The following INPP5D variants were observed in gnomAD, a reference collection of about 807,000 sequenced individuals.
INPP5D encodes phosphatidylinositol 3,4,5-trisphosphate 5-phosphatase 1.
INPP5D carries 33 observed loss-of-function variants against 122.9 expected under a neutral mutation model. The observed-to-expected ratio is 0.27, with a 90% CI of 0.20 to 0.36. The LOEUF (loss-of-function observed/expected upper bound fraction) is 0.36, where lower values mean the gene tolerates loss of function less well. Among genes scored for constraint, INPP5D ranks in the 10% least tolerant of loss-of-function variants. The probability of loss-of-function intolerance (pLI) is 1.00; values close to 1 mark genes in which losing one functional copy is unlikely to be tolerated. For synonymous variants in INPP5D, 584 were observed against 576.2 expected (o/e 1.01, Z -0.19); for missense variants, 1,053 against 1,412.7 (o/e 0.75, Z 4.08).
chr2:233,167,337 C>T (rs377730699), intron 13 of INPP5D, among the ~76,000 whole-genome samples: 6 of 152,050 alleles, frequency 3.9e-5, no homozygotes, highest in African/African-American at 1.5e-4. Context: ...TGCCACTGCA[C>T]TCCAGCCTGG....
chr2:233,108,908 G>A (rs542662691), intron 2 of INPP5D, among the ~76,000 whole-genome samples: 3 of 152,320 alleles, frequency 2.0e-5, no homozygotes, highest in Admixed American at 1.3e-4. Flanking sequence ...TGCAGCTTCT[G>A]CATGGCAGAG....
At chr2:233,146,674 G>C (rs1693769652) in intron 8 of INPP5D, among the ~76,000 whole-genome samples, 1 of 152,210 alleles carries the variant, frequency 6.6e-6, no homozygotes, top group South Asian at 2.1e-4. Flanking sequence ...AGGGAGGAGT[G>C]TCTCATTGGG....
At chr2:233,075,612 TGTGTGTA>T (rs1452326294) in intron 1 of INPP5D, among the ~76,000 whole-genome samples, 1 of 152,058 alleles carries the variant, frequency 6.6e-6, no homozygotes, top group Non-Finnish European at 1.5e-5. Flanking sequence ...TGTGTGTGTG[TGTGTGTA>T]TATAGGACCA....
chr2:233,185,778 A>G, intron 20 of INPP5D, 65 bp from the exon 21 acceptor site: 2 of 1,442,120 alleles, frequency 1.4e-6, no homozygotes, highest in Non-Finnish European at 1.8e-6. Context: ...GGGTGACCCC[A>G]GGGAGTCTTT....
At chr2:233,155,154 G>GGGGAAA (rs1694015304) in intron 9 of INPP5D, among the ~76,000 whole-genome samples, 1 of 152,140 alleles carries the variant, frequency 6.6e-6, no homozygotes, top group Middle Eastern at 3.4e-3. Flanking sequence ...GGGGGAAGAA[G>GGGGAAA]GGGAAAGGGA....
intron 6 of INPP5D, among the ~76,000 whole-genome samples, chr2:233,142,192 A>G (rs4130642): frequency 0.64 from 97,721 of 152,078 alleles, 32,720 homozygotes; most frequent in East Asian, 0.98. Flanking sequence ...GCAGCCACCC[A>G]GTGGAGGGTG....
intron 5 of INPP5D, among the ~76,000 whole-genome samples, chr2:233,131,397 A>T (rs1346538547): frequency 6.6e-6 from 1 of 152,180 alleles, no homozygotes; most frequent in Non-Finnish European, 1.5e-5. Flanking sequence ...AAACAATCCC[A>T]TCACAAATGA....
At chr2:233,080,776 C>T (rs1691664052) in intron 2 of INPP5D, among the ~76,000 whole-genome samples, 1 of 152,118 alleles carries the variant, frequency 6.6e-6, no homozygotes, top group Non-Finnish European at 1.5e-5. Context: ...AAAAATCCTC[C>T]AGAAGTTGTC....
In INPP5D at chr2:233,183,235, C is replaced by T. The variant is rs886981903; in HGVS notation, c.2161+736C>T. On this transcript the variant is annotated intron_variant, in intron 19 of 26. Transcript: ENST00000445964. This position sits in a 1 kb window ranked among gnomAD's most constrained non-coding sequence, Gnocchi z 4.6. ...GTTGTCTCTGCCCAGTCTCTGCTTC[C>T]GCGGTCAGCCCAGTGGTCACTGGGC... is the stretch of plus-strand genomic sequence containing the variant. 7.2e-5 allele frequency among the ~76,000 whole-genome samples: 11 copies of T among 152,194 alleles called. No homozygotes were observed. Among genetic ancestry groups the T allele is most frequent in the African/African-American group, 1.4e-4 (6 of 41,456 alleles).
intron 1 of INPP5D, among the ~76,000 whole-genome samples, chr2:233,075,173 C>T (rs1691486891): frequency 6.6e-6 from 1 of 152,110 alleles, no homozygotes; most frequent in Non-Finnish European, 1.5e-5. Context: ...GCTGTAAGCC[C>T]CCCTTCATTT....
chr2:233,164,508 T>A lies in INPP5D; in HGVS notation c.1555+84T>A, dbSNP rs1000377640. On this transcript the variant is annotated intron_variant, in intron 13 of 26. Coordinates refer to ENST00000445964, the MANE Select transcript of INPP5D (RefSeq NM_001017915.3). This position sits in a 1 kb window ranked among gnomAD's most constrained non-coding sequence, Gnocchi z 4.3. ...ACATCATCCTGATCCCACCAGTAGTTCCCCGGGTTAAAAACAGAGAGCCTC... is the reference window on the plus strand; with the variant it reads ...ACATCATCCTGATCCCACCAGTAGTACCCCGGGTTAAAAACAGAGAGCCTC... 1.6e-5 allele frequency: 22 copies of A among 1,413,658 alleles called. No individual in the cohort carries two copies. Among genetic ancestry groups the A allele is most frequent in the Admixed American group, 2.4e-5 (1 of 41,256 alleles). 87.6% of individuals were successfully genotyped at this position (1,413,658 alleles called of 1,614,324 possible).
At chr2:233,077,415 C>T (rs1439638675) in intron 1 of INPP5D, among the ~76,000 whole-genome samples, 1 of 152,030 alleles carries the variant, frequency 6.6e-6, no homozygotes, top group East Asian at 1.9e-4. Flanking sequence ...AATCCCAGCA[C>T]TTTGGGAGGC....
chr2:233,079,934 A>G (rs542681844), intron 2 of INPP5D, among the ~76,000 whole-genome samples: 2 of 152,182 alleles, frequency 1.3e-5, no homozygotes, highest in East Asian at 3.9e-4. Flanking sequence ...ATTTTTTAAT[A>G]TTTTTTATTT....
intron 1 of INPP5D, among the ~76,000 whole-genome samples, chr2:233,077,378 G>A (rs1691548576): frequency 6.6e-6 from 1 of 152,044 alleles, no homozygotes; most frequent in East Asian, 1.9e-4. Flanking sequence ...TAGTTAAACA[G>A]GGTCAAGTGC....
At chr2:233,117,442 G>C (rs898719409) in intron 2 of INPP5D, among the ~76,000 whole-genome samples, 1 of 152,130 alleles carries the variant, frequency 6.6e-6, no homozygotes, top group African/African-American at 2.4e-5. Context: ...AATGGGAGCC[G>C]CAGCCAGATG....
chr2:233,196,439 A>C (rs1242473996), intron 24 of INPP5D, among the ~76,000 whole-genome samples: 1 of 152,078 alleles, frequency 6.6e-6, no homozygotes, highest in Non-Finnish European at 1.5e-5. Flanking sequence ...GGCCTAGTGC[A>C]TGAAGAAGTG....
At chr2:233,121,997 G>T (rs372114779) in intron 2 of INPP5D, 110 bp from the exon 3 acceptor site, 13 of 1,271,134 alleles carry the variant, frequency 1.0e-5, no homozygotes, top group African/African-American at 2.9e-5. Context: ...GCTTTTCCTG[G>T]ATCGCAGTCA....
intron 23 of INPP5D, 66 bp downstream of exon 23, chr2:233,194,027 T>C: frequency 6.7e-7 from 1 of 1,489,138 alleles, no homozygotes; most frequent in Non-Finnish European, 8.9e-7. Flanking sequence ...ACGTGCTTTC[T>C]CTCAGCAAAG....
intron 17 of INPP5D, among the ~76,000 whole-genome samples, chr2:233,173,133 C>T (rs940574251): frequency 8.6e-5 from 13 of 150,552 alleles, no homozygotes; most frequent in Admixed American, 2.0e-4. Context: ...CGCTTGAACC[C>T]GGGAGATGGA....
Sources: allele counts gnomAD v4.1 joint callset (sites outside exome capture counted in the v4.1 genomes callset), GRCh38; gene constraint gnomAD v4.1.1; non-coding constraint Gnocchi (gnomAD v3.1); transcripts MANE v1.5; gene names NCBI Gene and HGNC (gene_info 2026-07-23, HGNC 2026-07-21).